PTPN1: variants seen among roughly 807,000 people sequenced by gnomAD.
The protein encoded by PTPN1 is protein tyrosine phosphatase non-receptor type 1.
PTPN1 carries 12 observed loss-of-function variants against 59.9 expected under a neutral mutation model. The ratio of observed to expected loss-of-function variants is 0.20; its 90% CI spans 0.13 to 0.32. The LOEUF (loss-of-function observed/expected upper bound fraction) is 0.32. PTPN1 is among the 10% of genes least tolerant of loss of function. PTPN1 has a pLI of 1.00. For missense variants in PTPN1, 356 were observed against 549.2 expected, an observed-to-expected ratio of 0.65 and a Z score of 3.52; for synonymous variants, 178 against 203.6, an observed-to-expected ratio of 0.87 and a Z score of 1.07.
At chr20:50,515,994 G>A (rs1489563777) in intron 1 of PTPN1, among the ~76,000 whole-genome samples, 1 of 152,154 alleles carries the variant, frequency 6.6e-6, no homozygotes, top group Non-Finnish European at 1.5e-5. Flanking sequence ...TTTCACAGAA[G>A]CTTTAAATAT....
chr20:50,553,844 T>C (rs2082714067), intron 1 of PTPN1, among the ~76,000 whole-genome samples: 1 of 151,760 alleles, frequency 6.6e-6, no homozygotes, highest in African/African-American at 2.4e-5. Context: ...ATATCTGAAA[T>C]GAGAATTTAG....
At chr20:50,521,063 A>C (rs1377331162) in intron 1 of PTPN1, among the ~76,000 whole-genome samples, 2 of 152,214 alleles carry the variant, frequency 1.3e-5, no homozygotes, top group East Asian at 3.9e-4. Context: ...GTGGGACAGA[A>C]CTTTAAAATT....
chr20:50,525,777 T>C (rs753709222), intron 1 of PTPN1, among the ~76,000 whole-genome samples: 8 of 152,198 alleles, frequency 5.3e-5, no homozygotes, highest in Non-Finnish European at 1.0e-4. Flanking sequence ...TTTCTTGTTT[T>C]CTTTTGGAGT....
intron 1 of PTPN1, among the ~76,000 whole-genome samples, chr20:50,535,912 T>C (rs2082622382): frequency 6.6e-6 from 1 of 152,152 alleles, no homozygotes; most frequent in Non-Finnish European, 1.5e-5. Context: ...CCTTGAATAC[T>C]ACATTGCCAG....
At chr20:50,510,730 G>A (rs1266813714) in intron 1 of PTPN1, 140 bp downstream of exon 1, 14 of 921,410 alleles carry the variant, frequency 1.5e-5, no homozygotes, top group Non-Finnish European at 1.7e-5. Context: ...GGACAGCGAC[G>A]CACTGCGTCC....
chr20:50,581,131 G>A (rs1023000778), intron 8 of PTPN1, 134 bp from the exon 9 acceptor site: 17 of 1,383,100 alleles, frequency 1.2e-5, no homozygotes, highest in Non-Finnish European at 1.2e-5. Context: ...GGGCTGGCTC[G>A]CTGGAAGGTT....
chr20:50,552,690 T>A (rs1333276835), intron 1 of PTPN1, among the ~76,000 whole-genome samples: 103 of 10,768 alleles, frequency 9.6e-3, no homozygotes, highest in Non-Finnish European at 0.012. Context: ...AAAAAAAAAT[T>A]TTTTTTTTTT....
At position 50,551,519 on chromosome 20, in the gene PTPN1, A is replaced by G. The variant is rs1394823196; in HGVS notation, c.64-9844A>G. Among the ~76,000 whole-genome samples, 7 of 152,238 alleles carry G rather than the reference A, an allele frequency of 4.6e-5. No homozygotes were observed. The South Asian group carries it at 1.2e-3, about 27-fold the overall frequency. Reference sequence around the variant, plus strand: ...TACCTGTAAGCTTTGGGCACACCCAAGCCTGCTTCAGGAGCACATGATCAG... The same window carrying G: ...TACCTGTAAGCTTTGGGCACACCCAGGCCTGCTTCAGGAGCACATGATCAG... On this transcript the variant is annotated intron_variant, in intron 1 of 9. Coordinates refer to ENST00000371621, the MANE Select transcript of PTPN1 (RefSeq NM_002827.4).
intron 1 of PTPN1, among the ~76,000 whole-genome samples, chr20:50,549,078 T>G (rs1485228273): frequency 6.6e-6 from 1 of 152,228 alleles, no homozygotes; most frequent in Non-Finnish European, 1.5e-5. Flanking sequence ...ATGGAATGGA[T>G]TTTTGTTCTA....
intron 1 of PTPN1, among the ~76,000 whole-genome samples, chr20:50,549,250 C>T (rs1384841676): frequency 1.3e-5 from 2 of 152,076 alleles, no homozygotes; most frequent in Admixed American, 6.5e-5. Flanking sequence ...ATTTAATTGA[C>T]CATTGTTTTA....
chr20:50,575,913 C>T (rs1281776986), intron 5 of PTPN1, among the ~76,000 whole-genome samples: 1 of 152,060 alleles, frequency 6.6e-6, no homozygotes, highest in Non-Finnish European at 1.5e-5. Flanking sequence ...GGTGACAGAG[C>T]AAGACCCTGT....
intron 4 of PTPN1, chr20:50,572,502 A>C (rs1196980166): frequency 6.6e-6 from 1 of 152,226 alleles, no homozygotes; most frequent in Non-Finnish European, 1.5e-5. Context: ...CCCAGATTAC[A>C]GAGGGTTATT....
intron 1 of PTPN1, among the ~76,000 whole-genome samples, chr20:50,533,383 G>A (rs1362186333): frequency 6.6e-6 from 1 of 152,004 alleles, no homozygotes; most frequent in Non-Finnish European, 1.5e-5. Flanking sequence ...TGTACAGAGG[G>A]CTTCCAACTT....
At chr20:50,562,431 G>T (rs2082757323) in intron 2 of PTPN1, among the ~76,000 whole-genome samples, 1 of 152,196 alleles carries the variant, frequency 6.6e-6, no homozygotes, top group African/African-American at 2.4e-5. Context: ...GTGCCTCTTG[G>T]CCTGCCACCA....
chr20:50,530,755 C>G (rs557772696), intron 1 of PTPN1, among the ~76,000 whole-genome samples: 1 of 151,174 alleles, frequency 6.6e-6, no homozygotes, highest in Admixed American at 6.6e-5. Flanking sequence ...TGCAGTGTCA[C>G]AGTCAAAACT....
Position 50,533,703 on chromosome 20 carries a change from A to G in PTPN1, c.63+23113A>G, listed in dbSNP as rs186342643. Among the ~76,000 whole-genome samples, 79 of 151,520 alleles carry G rather than the reference A, an allele frequency of 5.2e-4. No individual in the cohort carries two copies. The South Asian group carries it at 5.4e-3, about 10-fold the overall frequency. ...AGGGACACCCTTGCCCCCCCCCAGA[A>G]AGGAAGATTTGATGTACCACTTCCG... On this transcript the variant is annotated intron_variant, in intron 1 of 9. Coordinates refer to ENST00000371621, the MANE Select transcript of PTPN1 (RefSeq NM_002827.4).
At chr20:50,559,649 T>A (rs1327062782) in intron 1 of PTPN1, among the ~76,000 whole-genome samples, 4 of 152,096 alleles carry the variant, frequency 2.6e-5, no homozygotes, top group Non-Finnish European at 5.9e-5. Flanking sequence ...TTTTTCTTGG[T>A]TTACTTTCTT....
intron 1 of PTPN1, among the ~76,000 whole-genome samples, chr20:50,524,567 G>GTTTTTTTT (rs1386022104): frequency 1.1e-3 from 71 of 64,036 alleles, no homozygotes; most frequent in Non-Finnish European, 1.6e-3. Context: ...CCATTATGTG[G>GTTTTTTTT]TCTTTTTTTT....
At chr20:50,551,591 G>A (rs2082702422) in intron 1 of PTPN1, among the ~76,000 whole-genome samples, 1 of 150,196 alleles carries the variant, frequency 6.7e-6, no homozygotes, top group South Asian at 2.1e-4. Flanking sequence ...TATGATGTGT[G>A]GCGTTTTATT....
Sources: gnomAD v4.1 joint callset for allele counts (sites outside exome capture counted in the v4.1 genomes callset) on GRCh38, gnomAD v4.1.1 for gene constraint, MANE v1.5 for transcripts, NCBI Gene and HGNC (gene_info 2026-07-23, HGNC 2026-07-21) for gene names.